The following EPB41L4A variants were observed in gnomAD, a reference collection of about 807,000 sequenced individuals.
EPB41L4A encodes band 4.1-like protein 4A.
A neutral mutation model predicts 108.6 loss-of-function variants in EPB41L4A; 100 were observed. The ratio of observed to expected loss-of-function variants is 0.92; its 90% confidence interval spans 0.78 to 1.09. The LOEUF (loss-of-function observed/expected upper bound fraction) is 1.09, where lower values mean the gene tolerates loss of function less well. EPB41L4A is among the 50% of genes least tolerant of loss of function. EPB41L4A has a pLI of 0.00. For synonymous variants in EPB41L4A, 319 were observed against 289.0 expected (o/e 1.10, Z -1.05); for missense variants, 1,030 against 842.7 (o/e 1.22, Z -2.75).
chr5:112,274,232 A>G (rs1455807171), intron 4 of EPB41L4A, among the ~76,000 whole-genome samples: 19 of 152,130 alleles, frequency 1.2e-4, no homozygotes, highest in Non-Finnish European at 7.4e-5. Flanking sequence ...GTGAGCTATG[A>G]TTACACCACT....
chr5:112,188,518 G>A (rs954416821), intron 17 of EPB41L4A, among the ~76,000 whole-genome samples: 4 of 151,858 alleles, frequency 2.6e-5, no homozygotes, highest in Non-Finnish European at 5.9e-5. Context: ...CAGTTGCTGC[G>A]GCTTTGTCCT....
intron 1 of EPB41L4A, among the ~76,000 whole-genome samples, chr5:112,400,303 A>T (rs1269767579): frequency 6.6e-6 from 1 of 152,224 alleles, no homozygotes; most frequent in African/African-American, 2.4e-5. Context: ...ACCTCCTACC[A>T]GGTCCCTCCC....
chr5:112,356,150 A>G (rs1758346357), intron 1 of EPB41L4A, among the ~76,000 whole-genome samples: 1 of 152,146 alleles, frequency 6.6e-6, no homozygotes, highest in African/African-American at 2.4e-5. Flanking sequence ...AACGTACTCC[A>G]CATTGTGGGT....
chr5:112,141,926 C>T (rs1357024365), downstream of EPB41L4A, among the ~76,000 whole-genome samples: 2 of 152,158 alleles, frequency 1.3e-5, no homozygotes, highest in Non-Finnish European at 2.9e-5. Flanking sequence ...ACCCTCCTCC[C>T]CCAACAACAC....
chr5:112,275,492 A>T, intron 3 of EPB41L4A, 88 bp from the exon 4 acceptor site: 1 of 1,345,946 alleles, frequency 7.4e-7, no homozygotes, highest in Non-Finnish European at 9.9e-7. Context: ...TTACAATTAC[A>T]CTCCAAGATT....
Position 112,290,364 on chromosome 5 carries a change from G to C in EPB41L4A, c.205-10041C>G, listed in dbSNP as rs139656156. Reference sequence around the variant, plus strand: ...TCCTGCCAACATATGCCTGTCTCTAGTGGAGCTGCCCTACAGTTGCATCTA... The same window carrying C: ...TCCTGCCAACATATGCCTGTCTCTACTGGAGCTGCCCTACAGTTGCATCTA... On this transcript the variant is annotated intron_variant, in intron 2 of 22. Transcript: ENST00000261486. 2.0e-3 allele frequency among the ~76,000 whole-genome samples: 303 copies of C among 152,224 alleles called. 3 individuals carry two copies. The highest frequency in any genetic ancestry group is 9.9e-4 in the Non-Finnish European group (67 of 68,016).
At chr5:112,309,480 G>A (rs928346252) in intron 1 of EPB41L4A, among the ~76,000 whole-genome samples, 2 of 152,008 alleles carry the variant, frequency 1.3e-5, no homozygotes, top group Non-Finnish European at 2.9e-5. Context: ...TAGATACTAA[G>A]ATATTTACAA....
intron 1 of EPB41L4A, among the ~76,000 whole-genome samples, chr5:112,384,881 G>T (rs965825657): frequency 8.6e-5 from 13 of 151,998 alleles, no homozygotes; most frequent in Admixed American, 8.5e-4. Context: ...TTTTTCCTAG[G>T]CCTCAATATC....
At chr5:112,181,793 C>T (rs1404737454) in intron 18 of EPB41L4A, among the ~76,000 whole-genome samples, 9 of 152,138 alleles carry the variant, frequency 5.9e-5, no homozygotes, top group Non-Finnish European at 2.9e-5. Flanking sequence ...GAACAGTGGA[C>T]CAGGCGCAGT....
At chr5:112,414,823 C>T (rs978170913) in intron 1 of EPB41L4A, among the ~76,000 whole-genome samples, 2 of 152,106 alleles carry the variant, frequency 1.3e-5, no homozygotes, top group Non-Finnish European at 2.9e-5. Context: ...GCGGCCACAA[C>T]CTGGATATCA....
At position 112,164,871 on chromosome 5, in the gene EPB41L4A, C is replaced by A; in HGVS notation, c.*119G>T. 131 of 917,882 alleles carry A rather than the reference C, an allele frequency of 1.4e-4. No homozygotes were observed. The highest frequency in any genetic ancestry group is 1.7e-4 in the Non-Finnish European group (110 of 647,626). The allele number at this position is 917,882 out of a possible 1,614,324, so 56.9% of individuals were successfully genotyped here. A position where few individuals can be genotyped will look rare whatever the true frequency, so the allele number is the denominator to read the frequency against. On this transcript the variant is annotated 3_prime_UTR_variant, in exon 23 of 23. Transcript: ENST00000261486. ...AAAGAAGCAAAAGATAATGTATTTT[C>A]TCATGCTGAAGAAATACTTGCAGGT...
At chr5:112,368,866 T>A (rs983089578) in intron 1 of EPB41L4A, among the ~76,000 whole-genome samples, 2 of 152,182 alleles carry the variant, frequency 1.3e-5, no homozygotes, top group African/African-American at 4.8e-5. Context: ...TATCTTTTGT[T>A]ACAGTCTTTG....
intron 17 of EPB41L4A, among the ~76,000 whole-genome samples, chr5:112,188,790 G>A (rs559360015): frequency 6.6e-6 from 1 of 152,050 alleles, no homozygotes; most frequent in Admixed American, 6.6e-5. Context: ...CAAGCAAGAC[G>A]GAAGAAATGC....
chr5:112,245,968 C>A (rs1167359787), intron 9 of EPB41L4A, among the ~76,000 whole-genome samples: 1 of 152,168 alleles, frequency 6.6e-6, no homozygotes, highest in Non-Finnish European at 1.5e-5. Context: ...GGTAAGAAAT[C>A]TTCCGAGGCC....
chr5:112,338,602 C>A lies in EPB41L4A; in HGVS notation c.100-31112G>T, dbSNP rs185630296. Among the ~76,000 whole-genome samples the A allele has an allele frequency of 7.8e-3, 1,192 of 152,116 alleles. 9 individuals carry two copies. Among genetic ancestry groups the A allele is most frequent in the Middle Eastern group, 0.017 (5 of 292 alleles). Reference sequence around the variant, plus strand: ...CCAGCGTATATAAAAAAGAACACCCCCCGCCACCACACACAAAAAGATACC... The same window carrying A: ...CCAGCGTATATAAAAAAGAACACCCACCGCCACCACACACAAAAAGATACC... On this transcript the variant is annotated intron_variant, in intron 1 of 22. Coordinates refer to ENST00000261486, the MANE Select transcript of EPB41L4A (RefSeq NM_022140.5).
chr5:112,313,223 A>T (rs1755162385), intron 1 of EPB41L4A, among the ~76,000 whole-genome samples: 1 of 152,218 alleles, frequency 6.6e-6, no homozygotes, highest in African/African-American at 2.4e-5. Context: ...CTATGAAGCG[A>T]CTAAGAAACT....
chr5:112,185,736 G>T (rs1037312625), intron 17 of EPB41L4A, among the ~76,000 whole-genome samples: 3 of 152,110 alleles, frequency 2.0e-5, no homozygotes, highest in African/African-American at 7.2e-5. Context: ...CTTAATATTA[G>T]AAATATCTGA....
At chr5:112,159,087 A>G (rs1259794691), downstream of EPB41L4A, among the ~76,000 whole-genome samples, 1 of 152,176 alleles carries the variant, frequency 6.6e-6, no homozygotes, top group Non-Finnish European at 1.5e-5. Flanking sequence ...CTAATTCTGT[A>G]CAGTCATTTT....
intron 18 of EPB41L4A, among the ~76,000 whole-genome samples, chr5:112,182,664 C>T (rs1305301136): frequency 6.6e-6 from 1 of 152,064 alleles, no homozygotes; most frequent in African/African-American, 2.4e-5. Flanking sequence ...AAAACTATTC[C>T]ACATGGAAAG....
Sources: allele counts gnomAD v4.1 joint callset (sites outside exome capture counted in the v4.1 genomes callset), GRCh38; gene constraint gnomAD v4.1.1; transcripts MANE v1.5; gene names NCBI Gene and HGNC (gene_info 2026-07-23, HGNC 2026-07-21).